The following PHF8 variants were observed in gnomAD, a reference collection of about 807,000 sequenced individuals.
PHF8 encodes histone lysine demethylase PHF8.
In PHF8, 9 loss-of-function variants were observed where a neutral mutation model predicts 74.4. The ratio of observed to expected loss-of-function variants is 0.12; its 90% CI spans 0.07 to 0.21. The LOEUF (loss-of-function observed/expected upper bound fraction) is 0.21. Ranked by LOEUF, PHF8 falls within the 10% of genes least tolerant of loss-of-function variation. PHF8 has a pLI of 1.00. For synonymous variants in PHF8, 311 were observed against 316.6 expected (o/e 0.98, Z 0.19); for missense variants, 478 against 816.6 (o/e 0.59, Z 5.05).
chrX:54,000,933 A>T (rs1252987700), intron 10 of PHF8, among the ~76,000 whole-genome samples: 1 of 113,140 alleles, frequency 8.8e-6, no homozygotes, highest in Admixed American at 9.3e-5. Context: ...TTGCTAAACA[A>T]AAAGGTTAAA....
Position 53,984,099 on chromosome X carries a change from C to T in PHF8, c.2443+815G>A, listed in dbSNP as rs138991729. On this transcript the variant is annotated intron_variant, in intron 18 of 21. Coordinates refer to ENST00000338154, the MANE Select transcript of PHF8 (RefSeq NM_015107.3). ...AACAATGGCCGGGCGCGATGGCTCA[C>T]GCCTATAATCCCAGCACTTTGGGAC... Among the ~76,000 whole-genome samples the T allele has an allele frequency of 8.3e-3, 933 of 112,565 alleles. 11 individuals are homozygous for T. Among genetic ancestry groups the T allele is most frequent in the African/African-American group, 0.029 (889 of 31,031 alleles).
intron 2 of PHF8, among the ~76,000 whole-genome samples, chrX:54,033,510 C>T (rs963649093): frequency 4.5e-5 from 5 of 110,884 alleles, no homozygotes; most frequent in African/African-American, 1.6e-4. Flanking sequence ...GTCAGGAGTT[C>T]GAGACCAGCC....
rs1419093999 is a variant in PHF8, at chrX:54,033,100, T to C, written c.98+9531A>G. On this transcript the variant is annotated intron_variant, in intron 2 of 21. Transcript: ENST00000338154. ...CACCAAAGACCAAGTGGGGAACCTG[T>C]ACTTCCACCCCCACCTGGCAGTCAT... Among the ~76,000 whole-genome samples the C allele has an allele frequency of 2.7e-5, 3 of 111,234 alleles. No individual in the cohort carries two copies. In the East Asian group the frequency reaches 8.5e-4, roughly 32 times the overall value.
At chrX:53,961,053 G>A (rs1215946617) in intron 19 of PHF8, among the ~76,000 whole-genome samples, 1 of 108,029 alleles carries the variant, frequency 9.3e-6, no homozygotes, top group Non-Finnish European at 1.9e-5. Context: ...ATGGAGTCTC[G>A]CTCTGTTGCC....
intron 2 of PHF8, among the ~76,000 whole-genome samples, chrX:54,028,022 T>TG (rs2066297549): frequency 1.1e-5 from 1 of 90,069 alleles, no homozygotes; most frequent in Admixed American, 1.1e-4. Context: ...ACACACACAA[T>TG]GGGGGGGCCA....
chrX:53,940,758 G>A (rs1164747263), intron 20 of PHF8, among the ~76,000 whole-genome samples: 1 of 112,171 alleles, frequency 8.9e-6, no homozygotes, highest in Non-Finnish European at 1.9e-5. Flanking sequence ...TGCCAAGAAA[G>A]CTGTAAATGA....
At chrX:54,023,275 C>A (rs1399083458) in intron 2 of PHF8, among the ~76,000 whole-genome samples, 2 of 110,830 alleles carry the variant, frequency 1.8e-5, no homozygotes, top group Non-Finnish European at 3.8e-5. Flanking sequence ...CCACGCCCAG[C>A]CTTATAACCT....
rs1406463476 is a variant in PHF8, at chrX:53,987,785, C to T, written c.1890G>A (p.Ala630=). The part of the protein sequence containing the change: ...QIDERLGKEK[A]TLIIRPKFPR... ...ACACACTTGGTCTTATTATCAGGGT[C>T]GCCTTCTCCTTTCCCAATCTCTCGT... The change falls in exon 15 of 22, where the codon GCG becomes GCA. Residue 630 remains alanine (A), a synonymous_variant. Coordinates refer to ENST00000338154, the MANE Select transcript of PHF8 (RefSeq NM_015107.3). 9.2e-6 allele frequency: 11 copies of T among 1,198,763 alleles called. No individual in the cohort carries two copies. Among genetic ancestry groups the T allele is most frequent in the Admixed American group, 4.5e-5 (2 of 44,379 alleles).
At position 53,991,679 on chromosome X, in the gene PHF8, A is replaced by C. The variant is rs1195653581; in HGVS notation, c.1730+1057T>G. Among the ~76,000 whole-genome samples, 10 of 106,346 alleles carry C rather than the reference A, an allele frequency of 9.4e-5. No homozygotes were observed. The East Asian group carries it at 1.2e-3, about 12-fold the overall frequency. 92.3% of individuals were successfully genotyped at this position (106,346 alleles called of 115,157 possible). On this transcript the variant is annotated intron_variant, in intron 14 of 21. Transcript: ENST00000338154. ...TCTGTCTCAAAAAAAAAAAAAAAAA[A>C]AAAAAACAAAACTTGGTATGAGAAG...
chrX:54,035,878 G>A lies in PHF8; in HGVS notation c.98+6753C>T, dbSNP rs187182461. 4.6e-3 allele frequency among the ~76,000 whole-genome samples: 511 copies of A among 110,643 alleles called. 2 individuals carry two copies. The highest frequency in any genetic ancestry group is 0.033 in the Middle Eastern group (7 of 213). On this transcript the variant is annotated intron_variant, in intron 2 of 21. Coordinates refer to ENST00000338154, the MANE Select transcript of PHF8 (RefSeq NM_015107.3). ...TGTAATCCCAGCACTTTGGGAGGCCGAGGCAGGCGGATCACCTGAAGTCAG... is the reference window on the plus strand; with the variant it reads ...TGTAATCCCAGCACTTTGGGAGGCCAAGGCAGGCGGATCACCTGAAGTCAG...
chrX:54,025,349 G>A (rs1294820696), intron 2 of PHF8, among the ~76,000 whole-genome samples: 1 of 110,300 alleles, frequency 9.1e-6, no homozygotes, highest in Non-Finnish European at 1.9e-5. Flanking sequence ...TCAGGACTGG[G>A]TTGTGGGTAG....
At chrX:54,039,005 G>A (rs1427259475) in intron 2 of PHF8, among the ~76,000 whole-genome samples, 1 of 109,006 alleles carries the variant, frequency 9.2e-6, no homozygotes, top group Non-Finnish European at 1.9e-5. Context: ...GTGGTGGCGC[G>A]CACCTGTAAT....
At chrX:53,994,263 C>T (rs1034584971) in intron 12 of PHF8, among the ~76,000 whole-genome samples, 5 of 112,630 alleles carry the variant, frequency 4.4e-5, no homozygotes, top group African/African-American at 1.6e-4. Context: ...AATTCTGCTG[C>T]TAGCTAGCTC....
At chrX:54,022,729 T>C in intron 3 of PHF8, 29 bp downstream of exon 3, 1 of 990,971 alleles carries the variant, frequency 1.0e-6, no homozygotes, top group Non-Finnish European at 1.4e-6. Flanking sequence ...CTGGATTGTC[T>C]TCTCTAGGAA....
chrX:54,046,305 C>A (rs1557117489), upstream of PHF8, among the ~76,000 whole-genome samples: 1 of 110,672 alleles, frequency 9.0e-6, no homozygotes, highest in Non-Finnish European at 1.9e-5. Context: ...AAAAAAATAG[C>A]CGGGCGCGGT....
intron 19 of PHF8, among the ~76,000 whole-genome samples, chrX:53,946,121 G>A (rs782813576): frequency 3.6e-4 from 40 of 112,582 alleles, no homozygotes; most frequent in African/African-American, 1.3e-3. Context: ...GCTACTAAAT[G>A]TAGAAGGAAT....
chrX:54,042,891 T>A, intron 1 of PHF8, 71 bp from the exon 2 acceptor site: 1 of 735,101 alleles, frequency 1.4e-6, no homozygotes, highest in Non-Finnish European at 1.9e-6. Context: ...CAACCCTCAG[T>A]TCTCCAATAG....
At chrX:54,047,476 A>G (rs782160087), upstream of PHF8, among the ~76,000 whole-genome samples, 10 of 112,110 alleles carry the variant, frequency 8.9e-5, no homozygotes, top group Non-Finnish European at 1.9e-4. Flanking sequence ...GCACTGTGCT[A>G]GGTGCTGAGG....
At chrX:53,970,379 A>G (rs1319641252) in intron 18 of PHF8, among the ~76,000 whole-genome samples, 1 of 112,297 alleles carries the variant, frequency 8.9e-6, no homozygotes, top group Non-Finnish European at 1.9e-5. Context: ...TAAAGGAAGT[A>G]CTTTAGTAAA....
Sources: allele counts gnomAD v4.1 joint callset (sites outside exome capture counted in the v4.1 genomes callset), GRCh38; gene constraint gnomAD v4.1.1; transcripts MANE v1.5; gene names NCBI Gene and HGNC (gene_info 2026-07-23, HGNC 2026-07-21).